Variants in INSL6 observed in about 807,000 individuals in gnomAD.
INSL6 encodes insulin like 6.
A neutral mutation model predicts 9.4 loss-of-function variants in INSL6; 16 were observed. The observed-to-expected ratio is 1.70, with a 90% confidence interval of 1.15 to 2.59. The LOEUF (loss-of-function observed/expected upper bound fraction) is 2.59. Among genes scored for constraint, INSL6 ranks in the 30% most tolerant of loss-of-function variants. The pLI is 0.00. For missense variants in INSL6, 391 were observed against 257.3 expected (o/e 1.52, Z -3.56); for synonymous variants, 154 against 96.9 (o/e 1.59, Z -3.46).
chr9:5,077,539 C>A, the INSL6 span: 1 of 1,488,692 alleles, frequency 6.7e-7, no homozygotes, highest in Non-Finnish European at 8.9e-7. Flanking sequence ...ATTATGGAAA[C>A]TTGAAGTTGC....
At chr9:5,005,843 A>G in the INSL6 span, among the ~76,000 whole-genome samples, 1 of 152,172 alleles carries the variant, frequency 6.6e-6, no homozygotes, top group Non-Finnish European at 1.5e-5. Context: ...GTTCTGTTCC[A>G]TTGATCTATA....
chr9:5,174,521 T>C (rs1358473950), intron 1 of INSL6, among the ~76,000 whole-genome samples: 1 of 152,208 alleles, frequency 6.6e-6, no homozygotes, highest in Admixed American at 6.5e-5. Context: ...TAAGTAGTTG[T>C]CCCTTTTCTG....
the INSL6 span, chr9:5,114,396 G>C: frequency 1.9e-6 from 1 of 514,076 alleles, no homozygotes; most frequent in Admixed American, 2.3e-5. Context: ...CCTGCTGGTG[G>C]GCACCAGAGA....
At chr9:5,109,364 A>C in the INSL6 span, 12 of 152,308 alleles carry the variant, frequency 7.9e-5, no homozygotes, top group East Asian at 2.3e-3. Context: ...TTATCTACCA[A>C]GAAAGTATGC....
At chr9:5,158,497 A>G (rs536101901) in intron 2 of INSL6, among the ~76,000 whole-genome samples, 2 of 152,192 alleles carry the variant, frequency 1.3e-5, no homozygotes, top group Non-Finnish European at 2.9e-5. Context: ...AACAAACAAG[A>G]TATTAATACA....
intron 3 of INSL6, chr9:5,126,799 G>T: frequency 6.4e-7 from 1 of 1,565,374 alleles, no homozygotes; most frequent in South Asian, 1.1e-5. Context: ...TGAAAGAAAT[G>T]ACCTTCATTC....
the INSL6 span, among the ~76,000 whole-genome samples, chr9:5,046,199 G>T: frequency 1.3e-5 from 2 of 152,020 alleles, no homozygotes; most frequent in Admixed American, 6.5e-5. Context: ...TTGCTTGTTG[G>T]CTATTTGTTT....
chr9:5,020,088 G>T, the INSL6 span, among the ~76,000 whole-genome samples: 1 of 152,136 alleles, frequency 6.6e-6, no homozygotes, highest in African/African-American at 2.4e-5. Flanking sequence ...CAGGCCCCTG[G>T]GCAGTGAGCA....
intron 2 of INSL6, among the ~76,000 whole-genome samples, chr9:5,141,687 T>C (rs370451208): frequency 6.6e-6 from 1 of 152,206 alleles, no homozygotes; most frequent in Admixed American, 6.5e-5. Context: ...ACTGTGATGA[T>C]AGTTTCTTTT....
intron 2 of INSL6, among the ~76,000 whole-genome samples, chr9:5,155,341 G>T (rs1824793837): frequency 7.7e-6 from 1 of 130,134 alleles, no homozygotes; most frequent in Admixed American, 7.9e-5. Flanking sequence ...TGGGGGAGGG[G>T]GGAGGGATAG....
At chr9:5,157,263 G>A (rs1824834241) in intron 2 of INSL6, among the ~76,000 whole-genome samples, 1 of 152,000 alleles carries the variant, frequency 6.6e-6, no homozygotes. Flanking sequence ...AAATTTATAT[G>A]AAAATACAAA....
chr9:5,074,716 G>A, the INSL6 span, among the ~76,000 whole-genome samples: 1 of 152,174 alleles, frequency 6.6e-6, no homozygotes, highest in Non-Finnish European at 1.5e-5. Flanking sequence ...ATGTTCAAGT[G>A]AAAGGAAGAT....
intron 2 of INSL6, among the ~76,000 whole-genome samples, chr9:5,157,275 G>A (rs1410461207): frequency 2.6e-5 from 4 of 151,928 alleles, no homozygotes; most frequent in Non-Finnish European, 2.9e-5. Context: ...AAATACAAAG[G>A]CTCAACAATA....
At chr9:5,044,355 G>A in the INSL6 span, 1 of 1,159,814 alleles carries the variant, frequency 8.6e-7, no homozygotes, top group East Asian at 2.3e-5. Context: ...TAGTACGTTT[G>A]TATTTGAACT....
chr9:5,001,407 C>T, the INSL6 span, among the ~76,000 whole-genome samples: 1 of 152,108 alleles, frequency 6.6e-6, no homozygotes, highest in Non-Finnish European at 1.5e-5. Flanking sequence ...TTGGTGTTGA[C>T]TTTTGTCAAA....
At chr9:5,065,390 TTA>T in the INSL6 span, among the ~76,000 whole-genome samples, 2 of 152,216 alleles carry the variant, frequency 1.3e-5, no homozygotes, top group African/African-American at 4.8e-5. Context: ...TGAAAATTCT[TTA>T]TGTTTGGATA....
chr9:5,127,567 A>G (rs962368560), intron 3 of INSL6: 6 of 231,382 alleles, frequency 2.6e-5, no homozygotes, highest in African/African-American at 1.3e-4. Context: ...TGTTTTTTAA[A>G]TGGAACTATC....
chr9:5,041,204 G>A, the INSL6 span: 9 of 1,457,522 alleles, frequency 6.2e-6, no homozygotes, highest in South Asian at 9.2e-5. Context: ...CGTGAAGCCC[G>A]AGAACTTCCT....
intron 2 of INSL6, among the ~76,000 whole-genome samples, chr9:5,135,865 G>C (rs1457977623): frequency 6.6e-6 from 1 of 151,650 alleles, no homozygotes; most frequent in African/African-American, 2.4e-5. Flanking sequence ...CAACAAAATA[G>C]ATACACGGCT....
Sources: allele counts gnomAD v4.1 joint callset (sites outside exome capture counted in the v4.1 genomes callset), GRCh38; gene constraint gnomAD v4.1.1; transcripts MANE v1.5; gene names NCBI Gene and HGNC (gene_info 2026-07-23, HGNC 2026-07-21).